FHIP2A: variants seen among roughly 807,000 people sequenced by gnomAD.
FHIP2A encodes family with sequence similarity 160 member B1.
FHIP2A carries 46 observed loss-of-function variants against 93.5 expected under a neutral mutation model. The observed-to-expected ratio is 0.49, with a 90% CI of 0.39 to 0.63. The LOEUF is 0.63. Among genes scored for constraint, FHIP2A ranks in the 20% least tolerant of loss-of-function variants. The probability of loss-of-function intolerance (pLI) is 0.00; values close to 1 mark genes in which losing one functional copy is unlikely to be tolerated. For synonymous variants in FHIP2A, 332 were observed against 326.5 expected, an observed-to-expected ratio of 1.02 and a Z score of -0.18; for missense variants, 769 against 909.7, an observed-to-expected ratio of 0.85 and a Z score of 1.99.
rs185097760 is a variant in FHIP2A at position 114,888,518 on chromosome 10, G to A, written c.2193-10972G>A. On this transcript the variant is annotated intron_variant, in intron 16 of 16. Transcript: ENST00000369250. ...TACTCCCAAGAACTGCAAAGTGTCC[G>A]TAAGATACCGTTCAAGGTAGAGAGC... 4.1e-4 allele frequency among the ~76,000 whole-genome samples: 63 copies of A among 152,324 alleles called. 1 individual carries two copies. In the East Asian group the frequency reaches 7.9e-3, roughly 19 times the overall value.
In FHIP2A at chr10:114,864,243, C is replaced by A. The variant is rs563806650; in HGVS notation, c.*2703C>A. On this transcript the variant is annotated 3_prime_UTR_variant, in exon 17 of 17. Coordinates refer to ENST00000369248, the MANE Select transcript of FHIP2A (RefSeq NM_020940.4). The stretch of plus-strand genomic sequence containing the variant: ...CTTCATAAATTCATGGTAATGTTTT[C>A]ATAAATTATTGCATTAACATACAAT... 1 of 983,550 alleles carries A rather than the reference C, an allele frequency of 1.0e-6. No individual in the cohort carries two copies. Among genetic ancestry groups the A allele is most frequent in the South Asian group, 4.7e-5 (1 of 21,218 alleles). The allele number at this position is 983,550 out of a possible 1,614,324, so 60.9% of individuals were successfully genotyped here. A position where few individuals can be genotyped will look rare whatever the true frequency, so the allele number is the denominator to read the frequency against.
At chr10:114,832,997 A>G (rs2143010072) in intron 2 of FHIP2A, among the ~76,000 whole-genome samples, 1 of 152,264 alleles carries the variant, frequency 6.6e-6, no homozygotes. Flanking sequence ...TACAGGTGTG[A>G]GCCACCGTGC....
intron 14 of FHIP2A, among the ~76,000 whole-genome samples, chr10:114,860,472 C>T (rs950378627): frequency 1.3e-5 from 2 of 152,124 alleles, no homozygotes; most frequent in African/African-American, 4.8e-5. Flanking sequence ...CTTGCCTCAG[C>T]CTCCCAAGTA....
chr10:114,872,376 A>G (rs1253014511), intron 16 of FHIP2A, among the ~76,000 whole-genome samples: 1 of 152,218 alleles, frequency 6.6e-6, no homozygotes, highest in Non-Finnish European at 1.5e-5. Context: ...AGGGAAGTCT[A>G]TGAGTTCAAT....
intron 13 of FHIP2A, among the ~76,000 whole-genome samples, chr10:114,854,299 C>T (rs979461943): frequency 2.0e-4 from 31 of 152,006 alleles, no homozygotes; most frequent in African/African-American, 7.2e-4. Flanking sequence ...TCGAGACCAG[C>T]CTGACCAACA....
At chr10:114,856,227 T>C (rs1367161365) in intron 14 of FHIP2A, among the ~76,000 whole-genome samples, 3 of 152,190 alleles carry the variant, frequency 2.0e-5, no homozygotes, top group Non-Finnish European at 4.4e-5. Flanking sequence ...CTAAGAAGTA[T>C]TTCACTATGT....
chr10:114,897,312 A>G (rs1211709152), intron 16 of FHIP2A, among the ~76,000 whole-genome samples: 1 of 152,248 alleles, frequency 6.6e-6, no homozygotes. Flanking sequence ...GAAACCGGAC[A>G]TAGCAGTAGG....
chr10:114,840,509 A>G (rs928321717), intron 5 of FHIP2A, among the ~76,000 whole-genome samples: 8 of 152,236 alleles, frequency 5.3e-5, no homozygotes, highest in Non-Finnish European at 1.2e-4. Flanking sequence ...GCAGCCTTTT[A>G]TATGGCAGAT....
chr10:114,826,706 G>A (rs941056105), intron 1 of FHIP2A, among the ~76,000 whole-genome samples: 1 of 152,144 alleles, frequency 6.6e-6, no homozygotes, highest in Admixed American at 6.5e-5. Context: ...AAAAATCTGG[G>A]AGTGGCATCA....
At chr10:114,826,056 C>T (rs1256280451) in intron 1 of FHIP2A, among the ~76,000 whole-genome samples, 2 of 152,228 alleles carry the variant, frequency 1.3e-5, no homozygotes, top group Non-Finnish European at 2.9e-5. Flanking sequence ...GAAATTCAAA[C>T]CACAAATCAA....
At chr10:114,881,684 T>G (rs2083917759) in intron 16 of FHIP2A, among the ~76,000 whole-genome samples, 1 of 152,050 alleles carries the variant, frequency 6.6e-6, no homozygotes, top group African/African-American at 2.4e-5. Flanking sequence ...CACTAATTCA[T>G]TCTGACAGTG....
At chr10:114,836,960 G>A (rs2083639712) in intron 5 of FHIP2A, among the ~76,000 whole-genome samples, 1 of 151,872 alleles carries the variant, frequency 6.6e-6, no homozygotes. Flanking sequence ...GGAGTATGGG[G>A]GCGTGACCAT....
intron 16 of FHIP2A, among the ~76,000 whole-genome samples, chr10:114,870,461 G>T (rs1042102486): frequency 6.6e-6 from 1 of 151,998 alleles, no homozygotes; most frequent in African/African-American, 2.4e-5. Context: ...GACAGTAAGA[G>T]GCTACTCCAC....
intron 16 of FHIP2A, among the ~76,000 whole-genome samples, chr10:114,892,163 G>A (rs1381496848): frequency 2.0e-5 from 3 of 151,966 alleles, no homozygotes; most frequent in Admixed American, 2.0e-4. Context: ...TATTTCATAG[G>A]GTGAAGAAAA....
At chr10:114,831,946 A>C (rs909368674) in intron 2 of FHIP2A, among the ~76,000 whole-genome samples, 1 of 152,230 alleles carries the variant, frequency 6.6e-6, no homozygotes, top group African/African-American at 2.4e-5. Context: ...TGTTTTCTCC[A>C]TAAGGCTTAG....
At chr10:114,848,204 G>C (rs1460572216) in intron 12 of FHIP2A, among the ~76,000 whole-genome samples, 2 of 151,970 alleles carry the variant, frequency 1.3e-5, no homozygotes, top group East Asian at 1.9e-4. Flanking sequence ...GGTGATTTTA[G>C]AGAAAAATTG....
intron 16 of FHIP2A, among the ~76,000 whole-genome samples, chr10:114,882,243 GA>G (rs2083920708): frequency 6.6e-6 from 1 of 152,214 alleles, no homozygotes; most frequent in Non-Finnish European, 1.5e-5. Flanking sequence ...TCTCAGCGAA[GA>G]ATGAGGCAGT....
chr10:114,862,755 A>G lies in FHIP2A; in HGVS notation c.*1215A>G, dbSNP rs958481320. 4 of 985,366 alleles carry G rather than the reference A, an allele frequency of 4.1e-6. No homozygotes were observed. The highest frequency in any genetic ancestry group is 4.8e-6 in the Non-Finnish European group (4 of 829,982). 61.0% of individuals were successfully genotyped at this position (985,366 alleles called of 1,614,324 possible). ...TTAAGTGATGCTGATCACTCAAATAATGCTTTTAAGCTATTGTTTGTTTTT... is the reference window on the plus strand; with the variant it reads ...TTAAGTGATGCTGATCACTCAAATAGTGCTTTTAAGCTATTGTTTGTTTTT... On this transcript the variant is annotated 3_prime_UTR_variant, in exon 17 of 17. Transcript: ENST00000369248.
intron 16 of FHIP2A, among the ~76,000 whole-genome samples, chr10:114,889,630 C>T (rs2083960670): frequency 6.6e-6 from 1 of 152,244 alleles, no homozygotes; most frequent in South Asian, 2.1e-4. Context: ...TCCATCATCC[C>T]TATCCACATT....
Sources: gnomAD v4.1 joint callset for allele counts (sites outside exome capture counted in the v4.1 genomes callset) on GRCh38, gnomAD v4.1.1 for gene constraint, MANE v1.5 for transcripts, NCBI Gene and HGNC (gene_info 2026-07-23, HGNC 2026-07-21) for gene names.